The following KCND2 variants were observed in gnomAD, a reference collection of about 807,000 sequenced individuals.
The protein encoded by KCND2 is potassium voltage-gated channel subfamily D member 2.
In KCND2, 16 loss-of-function variants were observed where a neutral mutation model predicts 54.4. The ratio of observed to expected loss-of-function variants is 0.29; its 90% CI spans 0.20 to 0.45. KCND2 has a LOEUF of 0.45. Among genes scored for constraint, KCND2 ranks in the 20% least tolerant of loss-of-function variants. The pLI is 1.00. For missense variants in KCND2, 486 were observed against 824.2 expected (o/e 0.59, Z 5.02); for synonymous variants, 317 against 310.7 (o/e 1.02, Z -0.21).
chr7:120,329,231 C>A (rs1188123996), intron 1 of KCND2, among the ~76,000 whole-genome samples: 1 of 151,054 alleles, frequency 6.6e-6, no homozygotes, highest in African/African-American at 2.4e-5. Flanking sequence ...AAGTGATTCT[C>A]CTATCTCAGC....
chr7:120,337,106 C>G (rs561820808), intron 1 of KCND2, among the ~76,000 whole-genome samples: 1 of 151,634 alleles, frequency 6.6e-6, no homozygotes, highest in Non-Finnish European at 1.5e-5. Context: ...CTCACAATTT[C>G]GAGAGCTTGT....
At chr7:120,581,659 T>A (rs2116444110) in intron 1 of KCND2, among the ~76,000 whole-genome samples, 1 of 152,230 alleles carries the variant, frequency 6.6e-6, no homozygotes, top group South Asian at 2.1e-4. Context: ...AAATAAAGAT[T>A]AGGGAAGGTG....
At chr7:120,732,032 C>G (rs1792814455) in intron 1 of KCND2, among the ~76,000 whole-genome samples, 1 of 152,086 alleles carries the variant, frequency 6.6e-6, no homozygotes, top group South Asian at 2.1e-4. Flanking sequence ...GACCAGACCA[C>G]TCAAGATATG....
At chr7:120,727,776 T>G (rs920352715) in intron 1 of KCND2, among the ~76,000 whole-genome samples, 2 of 151,934 alleles carry the variant, frequency 1.3e-5, no homozygotes, top group Non-Finnish European at 2.9e-5. Flanking sequence ...AGAAGGAAAC[T>G]GGTGGCTCTA....
At chr7:120,460,587 A>C (rs1258261820) in intron 1 of KCND2, among the ~76,000 whole-genome samples, 1 of 149,206 alleles carries the variant, frequency 6.7e-6, no homozygotes, top group Non-Finnish European at 1.5e-5. Context: ...TACATTTTAA[A>C]ATTGGAATCT....
Position 120,584,025 on chromosome 7 carries a change from A to G in KCND2, c.1116-148878A>G, listed in dbSNP as rs1792555209. Among the ~76,000 whole-genome samples, 4 of 152,320 alleles carry G rather than the reference A, an allele frequency of 2.6e-5. No individual in the cohort carries two copies. In the South Asian group the frequency reaches 8.3e-4, roughly 32 times the overall value. On this transcript the variant is annotated intron_variant, in intron 1 of 5. Transcript: ENST00000331113. ...TTTCAGTGAAGAAAAGGAAGTAGCT[A>G]ATGTATCCAGTGAAATTCCAAAGGG...
At chr7:120,654,292 G>A (rs767206747) in intron 1 of KCND2, among the ~76,000 whole-genome samples, 1 of 152,042 alleles carries the variant, frequency 6.6e-6, no homozygotes, top group Non-Finnish European at 1.5e-5. Flanking sequence ...AACTAAACAG[G>A]TATTCAACTG....
intron 1 of KCND2, among the ~76,000 whole-genome samples, chr7:120,541,547 A>G (rs138306126): frequency 6.6e-6 from 1 of 152,228 alleles, no homozygotes; most frequent in East Asian, 1.9e-4. Flanking sequence ...CCAAAATCCT[A>G]AGTCTGGAGA....
intron 1 of KCND2, among the ~76,000 whole-genome samples, chr7:120,355,631 G>C (rs915286711): frequency 1.3e-5 from 2 of 151,850 alleles, no homozygotes; most frequent in South Asian, 4.1e-4. Flanking sequence ...AGCATCATGA[G>C]AGAGTATTTT....
intron 1 of KCND2, among the ~76,000 whole-genome samples, chr7:120,355,115 A>G (rs561156027): frequency 5.1e-4 from 77 of 152,308 alleles, no homozygotes; most frequent in Non-Finnish European, 9.0e-4. Context: ...TTGATTTACA[A>G]TGGGGCTACC....
At chr7:120,384,948 G>A (rs1304226416) in intron 1 of KCND2, among the ~76,000 whole-genome samples, 1 of 146,932 alleles carries the variant, frequency 6.8e-6, no homozygotes, top group East Asian at 2.0e-4. Flanking sequence ...CAGACTATTT[G>A]GTTACTCCTG....
At chr7:120,452,234 T>C (rs969772695) in intron 1 of KCND2, among the ~76,000 whole-genome samples, 7 of 152,246 alleles carry the variant, frequency 4.6e-5, no homozygotes, top group African/African-American at 1.7e-4. Flanking sequence ...TCTTCCTTTC[T>C]GCATCCTTGT....
chr7:120,395,437 T>G (rs187570324), intron 1 of KCND2, among the ~76,000 whole-genome samples: 46 of 152,172 alleles, frequency 3.0e-4, no homozygotes, highest in Non-Finnish European at 6.3e-4. Context: ...GCAGTTTTCC[T>G]TCTCTTACTA....
chr7:120,305,124 A>C (rs1188354366), intron 1 of KCND2, among the ~76,000 whole-genome samples: 2 of 152,156 alleles, frequency 1.3e-5, no homozygotes, highest in Non-Finnish European at 2.9e-5. Context: ...AGCTATAATT[A>C]GTTATATCAG....
intron 1 of KCND2, among the ~76,000 whole-genome samples, chr7:120,590,958 T>C (rs1388404953): frequency 6.6e-6 from 1 of 152,196 alleles, no homozygotes; most frequent in Non-Finnish European, 1.5e-5. Flanking sequence ...GATGGTTGAA[T>C]ATTTTTTTTC....
At chr7:120,530,825 G>GTATTAT (rs947273441) in intron 1 of KCND2, among the ~76,000 whole-genome samples, 1 of 151,744 alleles carries the variant, frequency 6.6e-6, no homozygotes, top group Non-Finnish European at 1.5e-5. Flanking sequence ...TGACACTACC[G>GTATTAT]TATTATTATT....
At chr7:120,416,174 A>G (rs1472081982) in intron 1 of KCND2, among the ~76,000 whole-genome samples, 9 of 152,160 alleles carry the variant, frequency 5.9e-5, no homozygotes, top group Admixed American at 5.9e-4. Context: ...TAACAGCCAG[A>G]GAGAGTTTTG....
rs549597375 is a variant in KCND2, at chr7:120,437,417, C to T, written c.1115+161670C>T. On this transcript the variant is annotated intron_variant, in intron 1 of 5. Coordinates refer to ENST00000331113, the MANE Select transcript of KCND2 (RefSeq NM_012281.3). ...AGGTTTCACCATGTTGGCCAGGCTG[C>T]TCTCAAACTCCTGGCCTCAGGTGAT... 6.6e-5 allele frequency among the ~76,000 whole-genome samples: 10 copies of T among 151,912 alleles called. No homozygotes were observed. The South Asian group carries it at 1.9e-3, about 28-fold the overall frequency.
rs192517668 is a variant in KCND2 at position 120,348,201 on chromosome 7, A to G, written c.1115+72454A>G. On this transcript the variant is annotated intron_variant, in intron 1 of 5. Coordinates refer to ENST00000331113, the MANE Select transcript of KCND2 (RefSeq NM_012281.3). Reference sequence around the variant, plus strand: ...TGCTATCTCTTTGATTCCAAATATCATAGATAAATCTCTTAGTTGCCCTAC... The same window carrying G: ...TGCTATCTCTTTGATTCCAAATATCGTAGATAAATCTCTTAGTTGCCCTAC... Among the ~76,000 whole-genome samples, 911 of 152,300 alleles carry G rather than the reference A, an allele frequency of 6.0e-3. 8 individuals carry two copies. Among genetic ancestry groups the G allele is most frequent in the Non-Finnish European group, 0.01 (695 of 68,022 alleles).
Sources: gnomAD v4.1 joint callset for allele counts (sites outside exome capture counted in the v4.1 genomes callset) on GRCh38, gnomAD v4.1.1 for gene constraint, MANE v1.5 for transcripts, NCBI Gene and HGNC (gene_info 2026-07-23, HGNC 2026-07-21) for gene names.